Variants in COA1 observed in about 807,000 individuals in gnomAD.
COA1 encodes the protein cytochrome c oxidase assembly factor 1.
COA1 carries 13 observed loss-of-function variants against 16.0 expected under a neutral mutation model. That is an observed-to-expected ratio of 0.81 (90% confidence interval 0.53 to 1.29). The LOEUF (loss-of-function observed/expected upper bound fraction) is 1.29, where lower values mean the gene tolerates loss of function less well. Among genes scored for constraint, COA1 ranks in the 50% most tolerant of loss-of-function variants. The pLI is 0.00. For missense variants in COA1, 179 were observed against 177.0 expected (o/e 1.01, Z -0.06); for synonymous variants, 65 against 65.7 (o/e 0.99, Z 0.05).
intron 1 of COA1, among the ~76,000 whole-genome samples, chr7:43,685,751 C>T (rs551101811): frequency 6.6e-6 from 1 of 152,094 alleles, no homozygotes; most frequent in Non-Finnish European, 1.5e-5. Context: ...AAATTAACAC[C>T]ACAACCTTCA....
intron 4 of COA1, among the ~76,000 whole-genome samples, chr7:43,644,748 A>AGATAGATGGATG (rs1554501245): frequency 8.9e-5 from 8 of 90,284 alleles, no homozygotes; most frequent in African/African-American, 7.8e-5. Context: ...ATAGATAGAT[A>AGATAGATGGATG]GATAGATAGA....
At chr7:43,615,711 C>A (rs1224109474) in intron 6 of COA1, among the ~76,000 whole-genome samples, 1 of 152,130 alleles carries the variant, frequency 6.6e-6, no homozygotes, top group African/African-American at 2.4e-5. Context: ...CACTCGTACC[C>A]CTTTTGCCTT....
intron 1 of COA1, among the ~76,000 whole-genome samples, chr7:43,667,067 G>T (rs2153187257): frequency 6.6e-6 from 1 of 152,246 alleles, no homozygotes; most frequent in South Asian, 2.1e-4. Context: ...AAACAAATTG[G>T]GGTTAACATT....
intron 3 of COA1, 64 bp downstream of exon 3, chr7:43,647,471 C>T: frequency 9.4e-7 from 1 of 1,065,486 alleles, no homozygotes; most frequent in Non-Finnish European, 1.5e-6. Flanking sequence ...AGTATTTCCT[C>T]TGATGGAGGA....
At chr7:43,634,470 G>T (rs2108410), downstream of COA1, among the ~76,000 whole-genome samples, 62,850 of 151,930 alleles carry the variant, frequency 0.41, 13,221 homozygotes, top group South Asian at 0.53. Context: ...CTGATACCAT[G>T]GGAGTGGGGG....
intron 1 of COA1, among the ~76,000 whole-genome samples, chr7:43,673,577 C>T (rs1378779328): frequency 6.6e-6 from 1 of 152,206 alleles, no homozygotes; most frequent in Non-Finnish European, 1.5e-5. Context: ...TTGTGGAAAG[C>T]AGTTTGGCAA....
intron 1 of COA1, among the ~76,000 whole-genome samples, chr7:43,695,044 C>T (rs2094486704): frequency 1.3e-5 from 2 of 152,198 alleles, no homozygotes; most frequent in Admixed American, 1.3e-4. Context: ...ATATCTAGAT[C>T]TAGACTGACC....
intron 6 of COA1, among the ~76,000 whole-genome samples, chr7:43,621,641 GTT>G (rs1334295273): frequency 6.6e-6 from 1 of 151,990 alleles, no homozygotes; most frequent in Non-Finnish European, 1.5e-5. Context: ...CCAGTTTTTT[GTT>G]TGTTTTTTTG....
chr7:43,688,172 C>T (rs927827975), intron 1 of COA1, among the ~76,000 whole-genome samples: 6 of 152,124 alleles, frequency 3.9e-5, no homozygotes, highest in African/African-American at 1.4e-4. Flanking sequence ...ATGTCTTTAT[C>T]AGCAGCATGA....
chr7:43,691,342 AGGGAGGGAGGGAGGGAGG>A (rs2094316789), intron 1 of COA1, among the ~76,000 whole-genome samples: 1 of 13,600 alleles, frequency 7.4e-5, no homozygotes, highest in African/African-American at 3.1e-4. Flanking sequence ...AAAGAGAGAG[AGGGAGGGAGGGAGGGAGG>A]GAGGGAGGGA....
intron 1 of COA1, chr7:43,650,699 G>A (rs1364997862): frequency 1.3e-5 from 2 of 151,886 alleles, no homozygotes; most frequent in Non-Finnish European, 2.9e-5. Flanking sequence ...CGAGTGACTC[G>A]TGTGGCAAAC....
chr7:43,664,335 C>G (rs1297887580), intron 1 of COA1, among the ~76,000 whole-genome samples: 1 of 152,088 alleles, frequency 6.6e-6, no homozygotes, highest in Non-Finnish European at 1.5e-5. Flanking sequence ...ATCAAGGTGA[C>G]CAAATTCCCT....
intron 2 of COA1, 39 bp from the exon 3 acceptor site, chr7:43,647,673 A>G: frequency 6.6e-7 from 1 of 1,525,722 alleles, no homozygotes; most frequent in East Asian, 2.3e-5. Flanking sequence ...TAGGATTCCC[A>G]GTTTTGTGCC....
chr7:43,669,294 G>A (rs1019324721), intron 1 of COA1, among the ~76,000 whole-genome samples: 4 of 152,124 alleles, frequency 2.6e-5, no homozygotes, highest in Non-Finnish European at 4.4e-5. Context: ...CCTTTAAAGC[G>A]GCTCCAGAAA....
intron 2 of COA1, 195 bp from the exon 3 acceptor site, chr7:43,647,829 C>A (rs1401798658): frequency 1.7e-6 from 1 of 587,140 alleles, no homozygotes; most frequent in Non-Finnish European, 3.0e-6. Context: ...TGAGGGTGCC[C>A]TCTCGAGAGT....
chr7:43,691,267 A>AGAAAAGAG (rs1446412982), intron 1 of COA1, among the ~76,000 whole-genome samples: 3 of 30,176 alleles, frequency 9.9e-5, no homozygotes, highest in Admixed American at 4.3e-4. Context: ...AAAGAAAGAA[A>AGAAAAGAG]AGAAAGAAAG....
intron 1 of COA1, among the ~76,000 whole-genome samples, chr7:43,664,103 A>AGAGAGAGAGAGAG (rs2092695982): frequency 1.5e-5 from 2 of 135,232 alleles, no homozygotes; most frequent in South Asian, 5.1e-4. Context: ...TGTCTTTAGA[A>AGAGAGAGAGAGAG]AGAGAGAGAG....
chr7:43,707,554 C>CCAAA (rs1368360769), intron 1 of COA1, among the ~76,000 whole-genome samples: 2 of 152,160 alleles, frequency 1.3e-5, no homozygotes, highest in Non-Finnish European at 1.5e-5. Flanking sequence ...AGGTAACTAT[C>CCAAA]ATCTTGACTT....
intron 1 of COA1, among the ~76,000 whole-genome samples, chr7:43,721,479 CA>C (rs910572904): frequency 4.0e-5 from 6 of 149,976 alleles, no homozygotes; most frequent in African/African-American, 9.8e-5. Context: ...ATGAATTTCT[CA>C]AAAAAAAATG....
Sources: gnomAD v4.1 joint callset for allele counts (sites outside exome capture counted in the v4.1 genomes callset) on GRCh38, gnomAD v4.1.1 for gene constraint, MANE v1.5 for transcripts, NCBI Gene and HGNC (gene_info 2026-07-23, HGNC 2026-07-21) for gene names.